Variants in GRIA1 observed in about 807,000 individuals in gnomAD.
GRIA1 encodes the protein glutamate receptor 1.
A neutral mutation model predicts 99.2 loss-of-function variants in GRIA1; 31 were observed. That is an observed-to-expected ratio of 0.31 (90% CI 0.23 to 0.42). GRIA1 has a LOEUF of 0.42. Ranked by LOEUF, GRIA1 falls within the 10% of genes least tolerant of loss-of-function variation. The pLI is 1.00. For synonymous variants in GRIA1, 438 were observed against 432.4 expected (o/e 1.01, Z -0.16); for missense variants, 782 against 1,157.5 (o/e 0.68, Z 4.71).
chr5:153,753,731 G>A (rs1354953713), intron 11 of GRIA1, among the ~76,000 whole-genome samples: 3 of 151,934 alleles, frequency 2.0e-5, no homozygotes, highest in Non-Finnish European at 4.4e-5. Flanking sequence ...ATACCCAGGG[G>A]GGTTTGGGAA....
At chr5:153,616,467 C>CT (rs1163948413) in intron 2 of GRIA1, among the ~76,000 whole-genome samples, 15 of 136,728 alleles carry the variant, frequency 1.1e-4, no homozygotes, top group African/African-American at 3.6e-4. Context: ...CAATGATGAG[C>CT]TAAAAAAAAA....
intron 13 of GRIA1, among the ~76,000 whole-genome samples, chr5:153,793,030 G>A (rs78379317): frequency 0.038 from 5,796 of 152,142 alleles, 329 homozygotes; most frequent in African/African-American, 0.13. Context: ...GCTGCCCAGC[G>A]ACTGACAAGC....
At chr5:153,755,974 C>T (rs531266413) in intron 11 of GRIA1, among the ~76,000 whole-genome samples, 2 of 152,344 alleles carry the variant, frequency 1.3e-5, no homozygotes, top group Admixed American at 6.5e-5. Context: ...GAGCCTGCAA[C>T]CAAAACCATC....
intron 2 of GRIA1, among the ~76,000 whole-genome samples, chr5:153,588,107 G>C (rs1763649839): frequency 6.6e-6 from 1 of 152,238 alleles, no homozygotes; most frequent in Non-Finnish European, 1.5e-5. Flanking sequence ...GCTCCTGCCA[G>C]GATAGTGAAA....
At chr5:153,654,350 C>A (rs1262541776) in intron 4 of GRIA1, among the ~76,000 whole-genome samples, 3 of 152,088 alleles carry the variant, frequency 2.0e-5, no homozygotes, top group Non-Finnish European at 4.4e-5. Context: ...TCAATTTGTA[C>A]TTTCATCTTG....
chr5:153,603,013 C>T (rs1276329265), intron 2 of GRIA1, among the ~76,000 whole-genome samples: 2 of 152,080 alleles, frequency 1.3e-5, no homozygotes, highest in East Asian at 3.9e-4. Flanking sequence ...CAGTATATAA[C>T]AATTACAATT....
At chr5:153,794,197 G>A (rs1398043936) in intron 13 of GRIA1, among the ~76,000 whole-genome samples, 8 of 152,076 alleles carry the variant, frequency 5.3e-5, no homozygotes, top group Admixed American at 5.2e-4. Flanking sequence ...GCCTTCCCCT[G>A]CTCCCTACTT....
chr5:153,497,139 T>A (rs1300018885), intron 2 of GRIA1, among the ~76,000 whole-genome samples: 1 of 152,160 alleles, frequency 6.6e-6, no homozygotes, highest in South Asian at 2.1e-4. Context: ...GTGTTCAATC[T>A]TTCTTGCTTC....
chr5:153,563,165 ACT>A (rs1761296317), intron 2 of GRIA1, among the ~76,000 whole-genome samples: 1 of 141,494 alleles, frequency 7.1e-6, no homozygotes, highest in South Asian at 2.3e-4. Context: ...ACAGAGCGAG[ACT>A]CTGTCTCAAA....
intron 2 of GRIA1, among the ~76,000 whole-genome samples, chr5:153,507,924 A>ACTGCT (rs1755694336): frequency 6.6e-6 from 1 of 152,150 alleles, no homozygotes. Flanking sequence ...TCAGTCTTTC[A>ACTGCT]CTGCTTTGGT....
intron 2 of GRIA1, among the ~76,000 whole-genome samples, chr5:153,603,296 C>T (rs1216117494): frequency 2.6e-5 from 4 of 152,140 alleles, no homozygotes; most frequent in Non-Finnish European, 4.4e-5. Context: ...TGTATATGTG[C>T]CACATTTTCT....
chr5:153,550,569 C>T (rs1382455857), intron 2 of GRIA1, among the ~76,000 whole-genome samples: 1 of 152,082 alleles, frequency 6.6e-6, no homozygotes, highest in Non-Finnish European at 1.5e-5. Context: ...ACCATATTTG[C>T]AACTAGAACC....
chr5:153,678,326 C>T (rs1159058600), intron 7 of GRIA1, among the ~76,000 whole-genome samples: 5 of 152,234 alleles, frequency 3.3e-5, no homozygotes, highest in African/African-American at 4.8e-5. Flanking sequence ...ACCTCACCAG[C>T]TGTTCCTCAG....
At chr5:153,608,347 T>C (rs923337320) in intron 2 of GRIA1, among the ~76,000 whole-genome samples, 11 of 152,198 alleles carry the variant, frequency 7.2e-5, no homozygotes, top group African/African-American at 2.7e-4. Context: ...ATCATTTATG[T>C]GTCCTTCTTT....
chr5:153,523,372 G>A (rs509757), intron 2 of GRIA1, among the ~76,000 whole-genome samples: 53,826 of 151,838 alleles, frequency 0.35, 9,926 homozygotes, highest in African/African-American at 0.46. Flanking sequence ...CCCTCATTAT[G>A]CAGTTTACCA....
chr5:153,728,878 T>G, intron 11 of GRIA1, among the ~76,000 whole-genome samples: 1 of 111,288 alleles, frequency 9.0e-6, no homozygotes, highest in Non-Finnish European at 1.8e-5. Context: ...GCCATCCCAT[T>G]ACTGGGTATA....
Position 153,676,988 on chromosome 5 carries a change from C to T in GRIA1, c.862-6C>T, listed in dbSNP as rs368839980. The T allele has an allele frequency of 5.1e-5, 72 of 1,411,998 alleles. No individual in the cohort carries two copies. In the African/African-American group the frequency reaches 1.0e-3, roughly 20 times the overall value. The allele number at this position is 1,411,998 out of a possible 1,614,324, so 87.5% of individuals were successfully genotyped here. A position where few individuals can be genotyped will look rare whatever the true frequency, so the allele number is the denominator to read the frequency against. ...GATACCTAACTGTCTCCATTCCTCC[C>T]ACTAGTACACCTCTGCGCTCACCTA... On this transcript the variant is annotated splice_region_variant and splice_polypyrimidine_tract_variant and intron_variant, in intron 6 of 15. Transcript: ENST00000285900.
intron 2 of GRIA1, among the ~76,000 whole-genome samples, chr5:153,625,057 G>A (rs1767460778): frequency 6.6e-6 from 1 of 152,162 alleles, no homozygotes; most frequent in Non-Finnish European, 1.5e-5. Flanking sequence ...ATTCATTCAT[G>A]TGCCGCAGCC....
intron 2 of GRIA1, among the ~76,000 whole-genome samples, chr5:153,626,826 C>T (rs985995911): frequency 4.0e-5 from 6 of 151,868 alleles, no homozygotes; most frequent in African/African-American, 1.5e-4. Context: ...GTGGTTAAAT[C>T]CAAAAAAAGA....
Sources: allele counts gnomAD v4.1 joint callset (sites outside exome capture counted in the v4.1 genomes callset), GRCh38; gene constraint gnomAD v4.1.1; transcripts MANE v1.5; gene names NCBI Gene and HGNC (gene_info 2026-07-23, HGNC 2026-07-21).